TBC1D2: variants seen among roughly 807,000 people sequenced by gnomAD.
TBC1D2 encodes the protein TBC1 domain family member 2.
TBC1D2 carries 58 observed loss-of-function variants against 91.1 expected under a neutral mutation model. The ratio of observed to expected loss-of-function variants is 0.64; its 90% CI spans 0.52 to 0.79. The LOEUF (loss-of-function observed/expected upper bound fraction) is 0.79. Ranked by LOEUF, TBC1D2 falls within the 30% of genes least tolerant of loss-of-function variation. The pLI is 0.00. For missense variants in TBC1D2, 1,080 were observed against 1,208.3 expected, an observed-to-expected ratio of 0.89 and a Z score of 1.57; for synonymous variants, 482 against 511.5, an observed-to-expected ratio of 0.94 and a Z score of 0.78.
At chr9:98,212,994 G>T in intron 7 of TBC1D2, 114 bp downstream of exon 7, 1 of 1,195,110 alleles carries the variant, frequency 8.4e-7, no homozygotes, top group Non-Finnish European at 1.2e-6. Flanking sequence ...CAAGGGGTCA[G>T]TTCAGAGGGA....
chr9:98,229,328 C>T, intron 4 of TBC1D2, 180 bp from the exon 5 acceptor site: 1 of 593,724 alleles, frequency 1.7e-6, no homozygotes, highest in Non-Finnish European at 3.0e-6. Flanking sequence ...TAAAAAGTTC[C>T]TAGGTGATGC....
intron 4 of TBC1D2, among the ~76,000 whole-genome samples, chr9:98,232,340 C>CTTTTTTTTTTTTTTTTTTTT (rs1554754378): frequency 9.6e-5 from 5 of 52,046 alleles, no homozygotes; most frequent in Non-Finnish European, 1.7e-4. Context: ...TTCTCTTTTT[C>CTTTTTTTTTTTTTTTTTTTT]TGTTTTTTTT....
intron 6 of TBC1D2, among the ~76,000 whole-genome samples, chr9:98,216,378 C>T (rs560210650): frequency 3.9e-5 from 6 of 152,170 alleles, no homozygotes; most frequent in Non-Finnish European, 8.8e-5. Flanking sequence ...AACAAGCCCC[C>T]CCGCAAGGGA....
At position 98,209,759 on chromosome 9, in the gene TBC1D2, CCTT is replaced by C. The variant is rs773293788; in HGVS notation, c.1674-618_1674-616del. ...CTTCTTTCCTTTCCTTCCTTCCTTT[CCTT>C]CCTTCCTTCCTTCCTTCCTTCCTTC... is the stretch of plus-strand genomic sequence containing the variant. On this transcript the variant is annotated intron_variant, in intron 8 of 12. Coordinates refer to ENST00000465784, the MANE Select transcript of TBC1D2 (RefSeq NM_001267571.2). Among the ~76,000 whole-genome samples the C allele has an allele frequency of 3.9e-3, 264 of 67,716 alleles. 2 individuals carry two copies. The highest frequency in any genetic ancestry group is 0.014 in the East Asian group (20 of 1,382). 44.4% of individuals were successfully genotyped at this position (67,716 alleles called of 152,430 possible).
intron 9 of TBC1D2, among the ~76,000 whole-genome samples, chr9:98,205,586 G>T (rs1352060965): frequency 6.6e-6 from 1 of 151,340 alleles, no homozygotes; most frequent in African/African-American, 2.4e-5. Flanking sequence ...TCACTCTGTT[G>T]CCCAGGCTAG....
rs1019508480 is a variant in TBC1D2 at position 98,215,088 on chromosome 9, C to G, written c.1375-1870G>C. On this transcript the variant is annotated intron_variant, in intron 6 of 12. Transcript: ENST00000465784. Reference sequence around the variant, plus strand: ...CTAGATAAAAAACCAGCTTCACTGCCTCTCAAAAATGCTGCTGTGTGCGCC... The same window carrying G: ...CTAGATAAAAAACCAGCTTCACTGCGTCTCAAAAATGCTGCTGTGTGCGCC... 3.9e-5 allele frequency among the ~76,000 whole-genome samples: 6 copies of G among 152,320 alleles called. No individual in the cohort carries two copies. In the East Asian group the frequency reaches 1.2e-3, roughly 29 times the overall value.
intron 1 of TBC1D2, among the ~76,000 whole-genome samples, chr9:98,253,944 A>G (rs2131304525): frequency 6.6e-6 from 1 of 152,296 alleles, no homozygotes; most frequent in South Asian, 2.1e-4. Context: ...TATTATAAAG[A>G]CCATGTGTTG....
chr9:98,223,748 C>T (rs956467473), intron 5 of TBC1D2, among the ~76,000 whole-genome samples: 7 of 152,184 alleles, frequency 4.6e-5, no homozygotes, highest in African/African-American at 7.2e-5. Context: ...CTCCTCCCAC[C>T]CCCAGAATTC....
rs543853440 is a variant in TBC1D2, at chr9:98,205,137, G to A, written c.2151-1729C>T. Among the ~76,000 whole-genome samples, 8 of 152,330 alleles carry A rather than the reference G, an allele frequency of 5.3e-5. No homozygotes were observed. The South Asian group carries it at 1.7e-3, about 32-fold the overall frequency. ...AACATTACATAGTCAGTTGGTGGCA[G>A]AGTGGAAACAGAACCCAGGGCTCCC... On this transcript the variant is annotated intron_variant, in intron 9 of 12. Coordinates refer to ENST00000465784, the MANE Select transcript of TBC1D2 (RefSeq NM_001267571.2).
rs951391607 is a variant in TBC1D2 at position 98,246,899 on chromosome 9, C to T, written c.512-2770G>A. ...GTGGGTAAGTGGTTGGATCTCATCA[C>T]GATGGAAACCAGAGCTCCTAGGGGT... On this transcript the variant is annotated intron_variant, in intron 2 of 12. Coordinates refer to ENST00000465784, the MANE Select transcript of TBC1D2 (RefSeq NM_001267571.2). Among the ~76,000 whole-genome samples, 8 of 151,862 alleles carry T rather than the reference C, an allele frequency of 5.3e-5. No homozygotes were observed. In the South Asian group the frequency reaches 1.0e-3, roughly 20 times the overall value.
chr9:98,242,297 C>T (rs113401085), intron 3 of TBC1D2, among the ~76,000 whole-genome samples: 3,187 of 151,940 alleles, frequency 0.021, 110 homozygotes, highest in African/African-American at 0.071. Flanking sequence ...AAAAGTCAGC[C>T]GGGCGTGGTG....
chr9:98,241,816 G>A (rs1205183378), intron 3 of TBC1D2, among the ~76,000 whole-genome samples: 3 of 152,062 alleles, frequency 2.0e-5, no homozygotes, highest in Non-Finnish European at 2.9e-5. Flanking sequence ...CACCCTGGAG[G>A]GCTCAACCAT....
intron 5 of TBC1D2, among the ~76,000 whole-genome samples, chr9:98,223,994 T>G (rs1232436295): frequency 2.0e-5 from 3 of 151,918 alleles, no homozygotes; most frequent in African/African-American, 4.8e-5. Context: ...GGTCAGGAGA[T>G]CGAGACCATC....
At chr9:98,204,901 T>A (rs1248979199) in intron 9 of TBC1D2, among the ~76,000 whole-genome samples, 1 of 152,222 alleles carries the variant, frequency 6.6e-6, no homozygotes, top group East Asian at 1.9e-4. Flanking sequence ...CATAACTAAC[T>A]GATCATGGCA....
chr9:98,243,068 C>T (rs181581254), intron 3 of TBC1D2, among the ~76,000 whole-genome samples: 1 of 151,758 alleles, frequency 6.6e-6, no homozygotes, highest in Admixed American at 6.6e-5. Flanking sequence ...GCATGAACCA[C>T]GACGCCTGGT....
chr9:98,236,174 T>C (rs1829500308), intron 3 of TBC1D2, among the ~76,000 whole-genome samples: 1 of 152,136 alleles, frequency 6.6e-6, no homozygotes, highest in Non-Finnish European at 1.5e-5. Context: ...CAATTGACCA[T>C]CTTAACTCAA....
intron 11 of TBC1D2, 52 bp from the exon 12 acceptor site, chr9:98,200,426 T>C (rs1828461047): frequency 6.5e-7 from 1 of 1,534,438 alleles, no homozygotes; most frequent in East Asian, 2.4e-5. Context: ...AGGCAGGTCA[T>C]CCCCGGAGGG....
intron 3 of TBC1D2, among the ~76,000 whole-genome samples, chr9:98,239,525 ACTT>A (rs1829586887): frequency 6.6e-6 from 1 of 152,166 alleles, no homozygotes; most frequent in African/African-American, 2.4e-5. Context: ...GATAAATCCT[ACTT>A]TATCGTGGAT....
intron 3 of TBC1D2, among the ~76,000 whole-genome samples, chr9:98,242,379 TGCA>T (rs1182686994): frequency 3.4e-5 from 5 of 148,346 alleles, no homozygotes; most frequent in African/African-American, 1.2e-4. Flanking sequence ...AAGCAGAGGT[TGCA>T]GCGAGCTGAG....
Sources: allele counts gnomAD v4.1 joint callset (sites outside exome capture counted in the v4.1 genomes callset), GRCh38; gene constraint gnomAD v4.1.1; transcripts MANE v1.5; gene names NCBI Gene and HGNC (gene_info 2026-07-23, HGNC 2026-07-21).